Variants in LRFN2 observed in about 807,000 individuals in gnomAD.
The protein encoded by LRFN2 is leucine-rich repeat and fibronectin type-III domain-containing protein 2.
A neutral mutation model predicts 37.3 loss-of-function variants in LRFN2; 18 were observed. That is an observed-to-expected ratio of 0.48 (90% confidence interval 0.33 to 0.72). The LOEUF (loss-of-function observed/expected upper bound fraction) is 0.72. Ranked by LOEUF, LRFN2 falls within the 30% of genes least tolerant of loss-of-function variation. The pLI, the probability that LRFN2 is intolerant of heterozygous loss-of-function variation, is 0.02. For missense variants in LRFN2, 1,006 were observed against 1,060.7 expected, an observed-to-expected ratio of 0.95 and a Z score of 0.72; for synonymous variants, 556 against 466.6, an observed-to-expected ratio of 1.19 and a Z score of -2.47.
intron 1 of LRFN2, among the ~76,000 whole-genome samples, chr6:40,582,440 A>G (rs1767421303): frequency 6.6e-6 from 1 of 151,948 alleles, no homozygotes; most frequent in Admixed American, 6.6e-5. Context: ...AGACAATCCC[A>G]AGCAGGTTGA....
intron 1 of LRFN2, among the ~76,000 whole-genome samples, chr6:40,568,517 G>A (rs560550107): frequency 5.3e-4 from 80 of 152,332 alleles, no homozygotes; most frequent in Non-Finnish European, 7.9e-4. Context: ...CCCACAAGAC[G>A]AAGATAAAGA....
chr6:40,511,493 C>G (rs902088272), intron 1 of LRFN2, among the ~76,000 whole-genome samples: 1 of 150,664 alleles, frequency 6.6e-6, no homozygotes, highest in Admixed American at 6.6e-5. Flanking sequence ...AAGTAACTCT[C>G]TCTAAGTCAC....
intron 1 of LRFN2, among the ~76,000 whole-genome samples, chr6:40,512,369 A>G (rs796490245): frequency 7.2e-5 from 11 of 152,290 alleles, no homozygotes; most frequent in African/African-American, 2.2e-4. Context: ...CTTTTAATCA[A>G]TAACATGTCA....
chr6:40,576,079 C>G lies in LRFN2; in HGVS notation c.-19+10862G>C, dbSNP rs564929708. Among the ~76,000 whole-genome samples, 347 of 152,276 alleles carry G rather than the reference C, an allele frequency of 2.3e-3. 2 individuals carry two copies. Among genetic ancestry groups the G allele is most frequent in the African/African-American group, 7.8e-3 (325 of 41,550 alleles). On this transcript the variant is annotated intron_variant, in intron 1 of 2. Transcript: ENST00000338305. Reference sequence around the variant, plus strand: ...TCATTCCATTAGCCTTCCTGAGCTACAGTTTCCTCGCGTTTAAATGGAGAC... The same window carrying G: ...TCATTCCATTAGCCTTCCTGAGCTAGAGTTTCCTCGCGTTTAAATGGAGAC...
intron 1 of LRFN2, among the ~76,000 whole-genome samples, chr6:40,478,905 G>T (rs1027097976): frequency 6.6e-6 from 1 of 152,208 alleles, no homozygotes; most frequent in African/African-American, 2.4e-5. Context: ...ATAAACTAAA[G>T]AAGTTAAACT....
chr6:40,548,588 C>G (rs935970597), intron 1 of LRFN2, among the ~76,000 whole-genome samples: 4 of 152,204 alleles, frequency 2.6e-5, no homozygotes, highest in African/African-American at 4.8e-5. Flanking sequence ...ATCCCAAAAG[C>G]TCTAATTTTG....
intron 1 of LRFN2, among the ~76,000 whole-genome samples, chr6:40,457,993 A>G (rs1764269610): frequency 1.3e-5 from 2 of 152,222 alleles, no homozygotes; most frequent in African/African-American, 2.4e-5. Flanking sequence ...TGGATTGTTT[A>G]GGGCCACATA....
intron 1 of LRFN2, among the ~76,000 whole-genome samples, chr6:40,580,829 G>A (rs908846578): frequency 1.3e-5 from 2 of 152,184 alleles, no homozygotes; most frequent in Non-Finnish European, 2.9e-5. Flanking sequence ...ACTCATGAAC[G>A]TGTGTACATG....
intron 1 of LRFN2, among the ~76,000 whole-genome samples, chr6:40,566,233 C>T (rs1213724292): frequency 6.6e-6 from 1 of 152,116 alleles, no homozygotes; most frequent in African/African-American, 2.4e-5. Flanking sequence ...AGTCAGGAAA[C>T]AAAGTTGCTG....
intron 2 of LRFN2, among the ~76,000 whole-genome samples, chr6:40,430,468 T>C (rs2113822511): frequency 6.6e-6 from 1 of 152,308 alleles, no homozygotes; most frequent in South Asian, 2.1e-4. Context: ...TCATTTTACA[T>C]GCATAAAATA....
At chr6:40,573,585 C>A (rs1007472065) in intron 1 of LRFN2, among the ~76,000 whole-genome samples, 1 of 152,208 alleles carries the variant, frequency 6.6e-6, no homozygotes, top group Admixed American at 6.5e-5. Flanking sequence ...ATATCAGAAA[C>A]AACTGGATTC....
At chr6:40,520,765 G>T (rs75409639) in intron 1 of LRFN2, among the ~76,000 whole-genome samples, 2 of 152,190 alleles carry the variant, frequency 1.3e-5, no homozygotes, top group Admixed American at 6.5e-5. Context: ...GTCCCCCTCT[G>T]CCCAGGCCTG....
At chr6:40,586,492 AC>A (rs1332432312) in intron 1 of LRFN2, among the ~76,000 whole-genome samples, 1 of 150,222 alleles carries the variant, frequency 6.7e-6, no homozygotes, top group Non-Finnish European at 1.5e-5. Flanking sequence ...GCTTTACCCC[AC>A]CCCACCCAGT....
intron 1 of LRFN2, among the ~76,000 whole-genome samples, chr6:40,519,842 A>G (rs1236785676): frequency 1.3e-5 from 2 of 152,194 alleles, no homozygotes; most frequent in Non-Finnish European, 2.9e-5. Context: ...TGAGCTGGGG[A>G]TGAAATGATG....
At chr6:40,508,885 A>G (rs981155292) in intron 1 of LRFN2, among the ~76,000 whole-genome samples, 1 of 152,218 alleles carries the variant, frequency 6.6e-6, no homozygotes, top group East Asian at 1.9e-4. Context: ...TGGATATGCC[A>G]TGGGCCCTCT....
chr6:40,497,464 T>C (rs1765259731), intron 1 of LRFN2, among the ~76,000 whole-genome samples: 1 of 152,156 alleles, frequency 6.6e-6, no homozygotes, highest in Admixed American at 6.5e-5. Context: ...TCCAAAGCTG[T>C]CTTGTGGCTT....
intron 1 of LRFN2, among the ~76,000 whole-genome samples, chr6:40,466,012 A>G (rs1255427536): frequency 2.0e-5 from 3 of 152,176 alleles, no homozygotes; most frequent in Non-Finnish European, 2.9e-5. Flanking sequence ...CCAGGGGTTT[A>G]CTTAGAATAT....
intron 1 of LRFN2, among the ~76,000 whole-genome samples, chr6:40,469,236 G>A (rs967539078): frequency 2.0e-5 from 3 of 152,136 alleles, no homozygotes; most frequent in African/African-American, 4.8e-5. Context: ...AGGCAAGGAA[G>A]GCTTCTCCCC....
At chr6:40,517,922 G>A (rs1348077412) in intron 1 of LRFN2, among the ~76,000 whole-genome samples, 2 of 152,078 alleles carry the variant, frequency 1.3e-5, no homozygotes, top group Non-Finnish European at 2.9e-5. Flanking sequence ...GGGGTCCAAG[G>A]GCAGATCAGG....
Sources: gnomAD v4.1 joint callset for allele counts (sites outside exome capture counted in the v4.1 genomes callset) on GRCh38, gnomAD v4.1.1 for gene constraint, MANE v1.5 for transcripts, NCBI Gene and HGNC (gene_info 2026-07-23, HGNC 2026-07-21) for gene names.